EXOC4: variants seen among roughly 807,000 people sequenced by gnomAD.
EXOC4 encodes the protein SEC8-like 1.
Under a neutral mutation model 107.2 loss-of-function variants are expected in EXOC4, and 71 were observed. The ratio of observed to expected loss-of-function variants is 0.66; its 90% confidence interval spans 0.55 to 0.81. EXOC4 has a LOEUF of 0.81. Ranked by LOEUF, EXOC4 falls within the 30% of genes least tolerant of loss-of-function variation. The pLI is 0.00. For synonymous variants in EXOC4, 456 were observed against 441.2 expected, an observed-to-expected ratio of 1.03 and a Z score of -0.42; for missense variants, 1,108 against 1,189.6, an observed-to-expected ratio of 0.93 and a Z score of 1.01.
chr7:133,616,943 G>A (rs1343275222), intron 9 of EXOC4, among the ~76,000 whole-genome samples: 1 of 152,066 alleles, frequency 6.6e-6, no homozygotes, highest in Non-Finnish European at 1.5e-5. Flanking sequence ...TAGATTGGAG[G>A]CTTCTCATGA....
chr7:134,045,342 G>T (rs1455821726), intron 17 of EXOC4, among the ~76,000 whole-genome samples: 2 of 152,178 alleles, frequency 1.3e-5, no homozygotes, highest in African/African-American at 4.8e-5. Context: ...GATGCTGGGG[G>T]TCAGTTAACT....
At chr7:133,703,779 G>A (rs527748079) in intron 10 of EXOC4, among the ~76,000 whole-genome samples, 41 of 152,236 alleles carry the variant, frequency 2.7e-4, no homozygotes, top group Non-Finnish European at 5.6e-4. Context: ...GGCCAGTGTC[G>A]TTCTGGGACC....
chr7:133,756,168 C>G, intron 10 of EXOC4, among the ~76,000 whole-genome samples: 1 of 152,068 alleles, frequency 6.6e-6, no homozygotes, highest in East Asian at 1.9e-4. Context: ...TCATAATTAT[C>G]ATTTTCATCA....
chr7:133,878,354 G>C (rs1299824454), intron 11 of EXOC4, among the ~76,000 whole-genome samples: 1 of 152,186 alleles, frequency 6.6e-6, no homozygotes, highest in Non-Finnish European at 1.5e-5. Flanking sequence ...CAGTGATACA[G>C]TGAACGGAAC....
chr7:133,640,624 G>T (rs966873019), intron 10 of EXOC4, among the ~76,000 whole-genome samples: 9 of 152,134 alleles, frequency 5.9e-5, no homozygotes, highest in African/African-American at 2.2e-4. Flanking sequence ...AGCATAGCTG[G>T]AAGCCACATT....
chr7:133,299,308 A>G (rs1794591678), intron 3 of EXOC4, among the ~76,000 whole-genome samples: 1 of 152,270 alleles, frequency 6.6e-6, no homozygotes, highest in Admixed American at 6.5e-5. Flanking sequence ...GTCTCTTTCA[A>G]TAGAAAGTTC....
intron 10 of EXOC4, among the ~76,000 whole-genome samples, chr7:133,655,985 A>T (rs1310027149): frequency 6.6e-6 from 1 of 152,164 alleles, no homozygotes. Context: ...AGCACAATAC[A>T]TGAGTAATGC....
intron 10 of EXOC4, among the ~76,000 whole-genome samples, chr7:133,661,732 TATTTTAAAATAC>T (rs1793692441): frequency 2.7e-5 from 4 of 149,778 alleles, no homozygotes; most frequent in Non-Finnish European, 5.9e-5. Context: ...TCAGACTCTG[TATTTTAAAATAC>T]ATTGTAACTA....
chr7:133,758,139 GTTTA>G (rs1795956365), intron 10 of EXOC4, among the ~76,000 whole-genome samples: 4 of 152,108 alleles, frequency 2.6e-5, no homozygotes, highest in African/African-American at 9.6e-5. Context: ...TCAGTGCATA[GTTTA>G]TTTATTTTAT....
At chr7:133,783,797 C>G (rs980568311) in intron 10 of EXOC4, among the ~76,000 whole-genome samples, 4 of 152,184 alleles carry the variant, frequency 2.6e-5, no homozygotes, top group African/African-American at 9.7e-5. Context: ...GGAGGTAGTA[C>G]AGATTTGGGG....
chr7:133,509,282 G>A (rs1799722210), intron 9 of EXOC4, among the ~76,000 whole-genome samples: 1 of 152,008 alleles, frequency 6.6e-6, no homozygotes, highest in Admixed American at 6.6e-5. Context: ...CAAAAAATTA[G>A]CCGGGCGTGG....
rs112707236 is a variant in EXOC4, at chr7:134,050,285, C to A, written c.2688-14006C>A. ...GTAACAAAAAATATTATGTGCCAGG[C>A]GCTGTTCTAAGCACTTTATAAATAT... On this transcript the variant is annotated intron_variant, in intron 17 of 17. Transcript: ENST00000253861. Among the ~76,000 whole-genome samples, 175 of 152,234 alleles carry A rather than the reference C, an allele frequency of 1.1e-3. 1 individual carries two copies. The South Asian group carries it at 0.018, about 16-fold the overall frequency.
chr7:133,698,917 A>G (rs1794596581), intron 10 of EXOC4, among the ~76,000 whole-genome samples: 1 of 152,072 alleles, frequency 6.6e-6, no homozygotes, highest in African/African-American at 2.4e-5. Context: ...AGGCAATAAA[A>G]TAGGCATGTG....
At chr7:133,610,630 A>G (rs1320271073) in intron 9 of EXOC4, among the ~76,000 whole-genome samples, 3 of 151,686 alleles carry the variant, frequency 2.0e-5, no homozygotes, top group Non-Finnish European at 2.9e-5. Context: ...ACTTTTTTTT[A>G]TATTCTTGAA....
intron 10 of EXOC4, among the ~76,000 whole-genome samples, chr7:133,690,602 A>T (rs958314385): frequency 1.8e-4 from 27 of 152,162 alleles, no homozygotes; most frequent in African/African-American, 6.5e-4. Flanking sequence ...CCCCTTTTCC[A>T]TGTGGTGGGA....
At chr7:133,295,938 A>C (rs945804973) in intron 3 of EXOC4, among the ~76,000 whole-genome samples, 3 of 152,168 alleles carry the variant, frequency 2.0e-5, no homozygotes, top group African/African-American at 7.2e-5. Context: ...TATTGGACTA[A>C]ACCTGAAAGT....
At chr7:133,460,687 A>T (rs148028019) in intron 7 of EXOC4, among the ~76,000 whole-genome samples, 12 of 152,118 alleles carry the variant, frequency 7.9e-5, no homozygotes, top group Non-Finnish European at 1.8e-4. Context: ...AGGGACACAC[A>T]CACCCACCCA....
intron 10 of EXOC4, among the ~76,000 whole-genome samples, chr7:133,758,813 A>G (rs550462761): frequency 6.6e-6 from 1 of 152,332 alleles, no homozygotes; most frequent in East Asian, 1.9e-4. Context: ...TTACTAAGAT[A>G]TAGCTCTTCC....
chr7:133,296,831 C>T (rs1314105395), intron 3 of EXOC4, among the ~76,000 whole-genome samples: 2 of 152,036 alleles, frequency 1.3e-5, no homozygotes, highest in African/African-American at 4.8e-5. Context: ...GCAGTGATTC[C>T]CACACTGCAC....
Sources: gnomAD v4.1 joint callset for allele counts (sites outside exome capture counted in the v4.1 genomes callset) on GRCh38, gnomAD v4.1.1 for gene constraint, MANE v1.5 for transcripts, NCBI Gene and HGNC (gene_info 2026-07-23, HGNC 2026-07-21) for gene names.